The following TMPRSS15 variants were observed in gnomAD, a reference collection of about 807,000 sequenced individuals.
TMPRSS15 encodes the protein transmembrane serine protease 15.
In TMPRSS15, 128 loss-of-function variants were observed where a neutral mutation model predicts 125.3. The ratio of observed to expected loss-of-function variants is 1.02; its 90% confidence interval spans 0.89 to 1.18. TMPRSS15 has a LOEUF of 1.18. Ranked by LOEUF, TMPRSS15 falls within the 50% of genes most tolerant of loss-of-function variation. The probability of loss-of-function intolerance (pLI) is 0.00; values close to 1 mark genes in which losing one functional copy is unlikely to be tolerated. For missense variants in TMPRSS15, 1,283 were observed against 1,212.7 expected, an observed-to-expected ratio of 1.06 and a Z score of -0.86; for synonymous variants, 446 against 423.2, an observed-to-expected ratio of 1.05 and a Z score of -0.66.
intron 24 of TMPRSS15, among the ~76,000 whole-genome samples, chr21:18,272,869 G>T (rs935191704): frequency 6.6e-6 from 1 of 152,086 alleles, no homozygotes; most frequent in African/African-American, 2.4e-5. Flanking sequence ...ATAAAAATCA[G>T]TACCTTCTTT....
At chr21:18,286,782 C>T (rs2074769707) in intron 21 of TMPRSS15, among the ~76,000 whole-genome samples, 1 of 152,146 alleles carries the variant, frequency 6.6e-6, no homozygotes, top group Non-Finnish European at 1.5e-5. Context: ...CCTATTTAGC[C>T]TCCTGAGACC....
chr21:18,341,997 G>A (rs887858880), intron 12 of TMPRSS15, among the ~76,000 whole-genome samples: 1 of 152,166 alleles, frequency 6.6e-6, no homozygotes, highest in African/African-American at 2.4e-5. Flanking sequence ...AAAACACACT[G>A]GGGGTGAAGG....
chr21:18,310,488 A>G (rs1210234280), intron 18 of TMPRSS15, among the ~76,000 whole-genome samples: 1 of 152,116 alleles, frequency 6.6e-6, no homozygotes, highest in African/African-American at 2.4e-5. Context: ...ACACCTAGAA[A>G]TAAATTTAAC....
At chr21:18,380,848 A>G (rs1405650440) in intron 4 of TMPRSS15, among the ~76,000 whole-genome samples, 3 of 152,172 alleles carry the variant, frequency 2.0e-5, no homozygotes, top group Non-Finnish European at 4.4e-5. Flanking sequence ...ATATCCGTTT[A>G]TTAATCATAG....
At chr21:18,359,245 A>G (rs1448500111) in intron 8 of TMPRSS15, among the ~76,000 whole-genome samples, 1 of 152,060 alleles carries the variant, frequency 6.6e-6, no homozygotes, top group East Asian at 1.9e-4. Context: ...AAATGGTTAT[A>G]TAGTAACAAT....
chr21:18,400,271 A>G (rs1197244549), intron 1 of TMPRSS15, among the ~76,000 whole-genome samples: 1 of 152,202 alleles, frequency 6.6e-6, no homozygotes, highest in Non-Finnish European at 1.5e-5. Context: ...TAGTCAAAGC[A>G]ATCCTAAGCT....
intron 21 of TMPRSS15, among the ~76,000 whole-genome samples, chr21:18,282,442 G>A (rs1470607920): frequency 6.6e-6 from 1 of 152,106 alleles, no homozygotes; most frequent in African/African-American, 2.4e-5. Context: ...CAAATGCCTC[G>A]TTTAATGTGG....
intron 23 of TMPRSS15, among the ~76,000 whole-genome samples, chr21:18,277,140 A>ATCAC (rs1420586510): frequency 1.1e-4 from 16 of 152,316 alleles, no homozygotes; most frequent in Non-Finnish European, 1.9e-4. Context: ...GAAACTTACC[A>ATCAC]TCACTCAAGA....
chr21:18,343,750 A>C (rs1165091235), intron 11 of TMPRSS15, 94 bp from the exon 12 acceptor site: 1 of 1,441,138 alleles, frequency 6.9e-7, no homozygotes, highest in African/African-American at 1.4e-5. Context: ...TCTTTGAAAT[A>C]ATCTTTTTTT....
At chr21:18,351,846 A>G (rs924331563) in intron 10 of TMPRSS15, among the ~76,000 whole-genome samples, 1 of 152,192 alleles carries the variant, frequency 6.6e-6, no homozygotes, top group Non-Finnish European at 1.5e-5. Flanking sequence ...AATAGGAAAA[A>G]TGGAAGAGGT....
At chr21:18,371,236 G>T (rs973362139) in intron 6 of TMPRSS15, among the ~76,000 whole-genome samples, 1 of 152,112 alleles carries the variant, frequency 6.6e-6, no homozygotes, top group African/African-American at 2.4e-5. Context: ...ACAATACTCA[G>T]AATGATGTGC....
At chr21:18,398,102 A>C in intron 2 of TMPRSS15, 97 bp downstream of exon 2, 2 of 1,449,348 alleles carry the variant, frequency 1.4e-6, no homozygotes, top group Non-Finnish European at 9.7e-7. Flanking sequence ...TGGGCATATT[A>C]CATTTATTCT....
intron 5 of TMPRSS15, among the ~76,000 whole-genome samples, chr21:18,378,703 T>C (rs2075865569): frequency 1.3e-5 from 2 of 152,064 alleles, no homozygotes; most frequent in South Asian, 4.1e-4. Flanking sequence ...ATATGAAGAT[T>C]AAGTTATGAC....
intron 13 of TMPRSS15, among the ~76,000 whole-genome samples, chr21:18,338,849 G>A (rs1274898792): frequency 6.6e-6 from 1 of 152,102 alleles, no homozygotes; most frequent in African/African-American, 2.4e-5. Flanking sequence ...TTGACCTAGA[G>A]TTTGCTGTGA....
intron 16 of TMPRSS15, among the ~76,000 whole-genome samples, chr21:18,316,541 G>T (rs2075169047): frequency 6.6e-6 from 1 of 152,220 alleles, no homozygotes; most frequent in African/African-American, 2.4e-5. Context: ...AATGTGAAAA[G>T]AAGTTGAGGA....
chr21:18,428,478 A>G (rs958359511), intron 1 of TMPRSS15, among the ~76,000 whole-genome samples: 1 of 152,130 alleles, frequency 6.6e-6, no homozygotes, highest in Admixed American at 6.6e-5. Flanking sequence ...CCCTCCCACC[A>G]TAGGTCTGGA....
intron 1 of TMPRSS15, among the ~76,000 whole-genome samples, chr21:18,458,613 G>A (rs1421282362): frequency 6.6e-6 from 1 of 152,160 alleles, no homozygotes; most frequent in Non-Finnish European, 1.5e-5. Flanking sequence ...TGTGAGAGAT[G>A]AGCCTGTCAC....
intron 19 of TMPRSS15, among the ~76,000 whole-genome samples, chr21:18,295,115 A>G (rs1369986469): frequency 1.3e-5 from 2 of 152,190 alleles, no homozygotes; most frequent in East Asian, 1.9e-4. Flanking sequence ...TCCGTGCCCA[A>G]CACCGTGTAT....
chr21:18,319,484 A>G (rs946923274), intron 16 of TMPRSS15, among the ~76,000 whole-genome samples: 2 of 145,628 alleles, frequency 1.4e-5, no homozygotes, highest in Non-Finnish European at 3.0e-5. Flanking sequence ...GCTGGAGTAC[A>G]ATGGCGCCAT....
Sources: gnomAD v4.1 joint callset for allele counts (sites outside exome capture counted in the v4.1 genomes callset) on GRCh38, gnomAD v4.1.1 for gene constraint, MANE v1.5 for transcripts, NCBI Gene and HGNC (gene_info 2026-07-23, HGNC 2026-07-21) for gene names.